Variants in DIP2A observed in about 807,000 individuals in gnomAD.
DIP2A encodes disco-interacting protein 2 homolog A.
DIP2A carries 85 observed loss-of-function variants against 177.4 expected under a neutral mutation model. That is an observed-to-expected ratio of 0.48 (90% CI 0.40 to 0.57). The LOEUF (loss-of-function observed/expected upper bound fraction) is 0.57, where lower values mean the gene tolerates loss of function less well. Ranked by LOEUF, DIP2A falls within the 20% of genes least tolerant of loss-of-function variation. The pLI is 0.00. For missense variants in DIP2A, 1,791 were observed against 2,100.2 expected, an observed-to-expected ratio of 0.85 and a Z score of 2.88; for synonymous variants, 886 against 881.8, an observed-to-expected ratio of 1.00 and a Z score of -0.08.
chr21:46,546,363 AC>A (rs2148843248), intron 20 of DIP2A: 1 of 997,146 alleles, frequency 1.0e-6, no homozygotes, highest in African/African-American at 1.7e-5. Flanking sequence ...CTCCCAGGGG[AC>A]TTCTGGCAAC....
At chr21:46,549,578 T>C (rs1756099557) in intron 21 of DIP2A, among the ~76,000 whole-genome samples, 193 bp from the exon 22 acceptor site, 3 of 152,206 alleles carry the variant, frequency 2.0e-5, no homozygotes, top group Admixed American at 2.0e-4. Flanking sequence ...TTTTGTGACT[T>C]GAGACACATT....
In DIP2A at chr21:46,503,571, T is replaced by TTCCTTCCTTC. The variant is rs2057778973; in HGVS notation, c.656-790_656-789insTCCTTCCTTC. 3.5e-4 allele frequency among the ~76,000 whole-genome samples: 29 copies of TTCCTTCCTTC among 83,750 alleles called. 2 individuals carry two copies. The highest frequency in any genetic ancestry group is 5.5e-4 in the Admixed American group (4 of 7,274). 54.9% of individuals were successfully genotyped at this position (83,750 alleles called of 152,430 possible). A position where few individuals can be genotyped will look rare whatever the true frequency, so the allele number is the denominator to read the frequency against. On this transcript the variant is annotated intron_variant, in intron 5 of 37. Transcript: ENST00000417564. The stretch of plus-strand genomic sequence containing the variant: ...TTGTTTCTGCTTCCTTGAGGGAATT[T>TTCCTTCCTTC]CTTCCTTCCTTCCTTCCTTCCTTCC...
chr21:46,517,320 C>G (rs1395928846), intron 8 of DIP2A, among the ~76,000 whole-genome samples: 1 of 152,080 alleles, frequency 6.6e-6, no homozygotes, highest in Admixed American at 6.5e-5. Context: ...CTCAAGTGAC[C>G]TGCCTGCCTC....
chr21:46,543,112 T>C (rs1244424492), intron 18 of DIP2A, among the ~76,000 whole-genome samples: 1 of 151,580 alleles, frequency 6.6e-6, no homozygotes, highest in Non-Finnish European at 1.5e-5. Context: ...GTAATTCTAC[T>C]GAGAAATAGA....
chr21:46,550,776 A>G, intron 23 of DIP2A, 32 bp downstream of exon 23: 2 of 1,606,948 alleles, frequency 1.2e-6, no homozygotes, highest in Non-Finnish European at 8.5e-7. Flanking sequence ...GATGCTCTCT[A>G]GTCTAACAGT....
intron 1 of DIP2A, 137 bp downstream of exon 1, chr21:46,459,359 C>G (rs1372929315): frequency 1.5e-6 from 1 of 666,748 alleles, no homozygotes; most frequent in Non-Finnish European, 2.3e-6. Flanking sequence ...CACGCGGCCT[C>G]GCCCCTGGGA....
chr21:46,539,970 C>T lies in DIP2A; in HGVS notation c.2015C>T (p.Ala672Val), dbSNP rs759551999. Residue 672 changes from alanine to valine, a missense_variant, in exon 17 of 38, where the codon GCG (alanine) becomes GTG (valine). Transcript: ENST00000417564. ...TGTCCTTGTGCAAGTTCTCCTGAGG[C>T]GCTGACTGTCGCCATCCGCAGGTAA... ...VICPCASSPE[A>V]LTVAIRRPPD... 15 of 1,613,980 alleles carry T rather than the reference C, an allele frequency of 9.3e-6. No homozygotes were observed. The highest frequency in any genetic ancestry group is 1.6e-4 in the Middle Eastern group (1 of 6,062).
At chr21:46,555,808 AAT>A in intron 28 of DIP2A, 172 bp from the exon 29 acceptor site, 1 of 625,772 alleles carries the variant, frequency 1.6e-6, no homozygotes, top group South Asian at 1.8e-5. Context: ...TGAAGAATGA[AAT>A]ACGCTTTCCT....
At chr21:46,469,280 A>G (rs1406044323) in intron 1 of DIP2A, 1 of 152,234 alleles carries the variant, frequency 6.6e-6, no homozygotes, top group Non-Finnish European at 1.5e-5. Context: ...AGTTTCAAAT[A>G]AAGAATCCTC....
intron 13 of DIP2A, among the ~76,000 whole-genome samples, chr21:46,535,164 T>C (rs921943956): frequency 2.0e-5 from 3 of 152,206 alleles, no homozygotes; most frequent in Non-Finnish European, 2.9e-5. Context: ...TATAAATATA[T>C]AAGTAGAATC....
chr21:46,528,176 G>A (rs2059186560), intron 8 of DIP2A, among the ~76,000 whole-genome samples: 1 of 152,038 alleles, frequency 6.6e-6, no homozygotes, highest in African/African-American at 2.4e-5. Context: ...ATTGTCTCTT[G>A]ATTTTTGGTC....
At chr21:46,566,850 C>T (rs1382066424) in intron 37 of DIP2A, among the ~76,000 whole-genome samples, 167 bp downstream of exon 37, 2 of 152,134 alleles carry the variant, frequency 1.3e-5, no homozygotes, top group Non-Finnish European at 2.9e-5. Flanking sequence ...GTAGATGAGC[C>T]CTATCTACCT....
At position 46,532,138 on chromosome 21, in the gene DIP2A, G is replaced by A. The variant is rs750273962; in HGVS notation, c.1206G>A (p.Val402=). ...TTGTCCTGTTGTAGGTGGCGCTCGT[G>A]TTTCCGAATAGTGACCCTGTGATGT... ...LLKPGDRVAL[V]FPNSDPVMFM... is the part of the protein sequence containing the mutation. Residue 402 remains valine (V), a synonymous_variant, in exon 10 of 38, where the codon GTG becomes GTA. Coordinates refer to ENST00000417564, the MANE Select transcript of DIP2A (RefSeq NM_015151.4). 1 of 1,613,502 alleles carries A rather than the reference G, an allele frequency of 6.2e-7. No homozygotes were observed. Among genetic ancestry groups the A allele is most frequent in the Non-Finnish European group, 8.5e-7 (1 of 1,179,634 alleles).
intron 25 of DIP2A, chr21:46,553,684 T>C (rs1015438917): frequency 1.3e-5 from 2 of 155,818 alleles, no homozygotes; most frequent in Non-Finnish European, 1.4e-5. Context: ...TATTATGTAT[T>C]TATAATGGTG....
At chr21:46,486,781 A>G (rs998943321) in intron 2 of DIP2A, among the ~76,000 whole-genome samples, 5 of 152,214 alleles carry the variant, frequency 3.3e-5, no homozygotes, top group South Asian at 2.1e-4. Flanking sequence ...TATTTGCCCT[A>G]GAGAAACTCC....
chr21:46,506,366 C>T (rs1290333888), intron 6 of DIP2A, among the ~76,000 whole-genome samples: 1 of 152,190 alleles, frequency 6.6e-6, no homozygotes, highest in Admixed American at 6.5e-5. Flanking sequence ...GATCCACCTG[C>T]CTTGGCCACC....
chr21:46,465,748 T>TA (rs1001295434), intron 1 of DIP2A, among the ~76,000 whole-genome samples: 87 of 148,760 alleles, frequency 5.8e-4, no homozygotes, highest in Admixed American at 1.2e-3. Context: ...CAGTAAAAAT[T>TA]AAAAAAAAAA....
intron 3 of DIP2A, among the ~76,000 whole-genome samples, chr21:46,493,615 G>A (rs1227521464): frequency 6.6e-6 from 1 of 152,044 alleles, no homozygotes; most frequent in Non-Finnish European, 1.5e-5. Flanking sequence ...ACTGAGTATT[G>A]TCAGTCTGTT....
intron 3 of DIP2A, among the ~76,000 whole-genome samples, chr21:46,492,554 T>C (rs1046178487): frequency 1.8e-4 from 27 of 152,318 alleles, no homozygotes; most frequent in African/African-American, 5.8e-4. Context: ...GAAATTCCTA[T>C]ATTGAAGCCC....
Sources: allele counts gnomAD v4.1 joint callset (sites outside exome capture counted in the v4.1 genomes callset), GRCh38; gene constraint gnomAD v4.1.1; transcripts MANE v1.5; gene names NCBI Gene and HGNC (gene_info 2026-07-23, HGNC 2026-07-21).